The following NAV2 variants were observed in gnomAD, a reference collection of about 807,000 sequenced individuals.
NAV2 encodes neuron navigator 2.
NAV2 carries 54 observed loss-of-function variants against 223.2 expected under a neutral mutation model. That is an observed-to-expected ratio of 0.24 (90% CI 0.19 to 0.30). The LOEUF (loss-of-function observed/expected upper bound fraction) is 0.30, where lower values mean the gene tolerates loss of function less well. Ranked by LOEUF, NAV2 falls within the 10% of genes least tolerant of loss-of-function variation. The pLI, the probability that NAV2 is intolerant of heterozygous loss-of-function variation, is 1.00. For synonymous variants in NAV2, 1,279 were observed against 1,239.3 expected, an observed-to-expected ratio of 1.03 and a Z score of -0.67; for missense variants, 2,806 against 3,147.5, an observed-to-expected ratio of 0.89 and a Z score of 2.60.
At chr11:19,451,856 C>A (rs1851799458) in intron 1 of NAV2, among the ~76,000 whole-genome samples, 1 of 152,178 alleles carries the variant, frequency 6.6e-6, no homozygotes, top group Admixed American at 6.5e-5. Flanking sequence ...TGGCTGGAGT[C>A]TAGAGAGTGA....
rs1325158261 is a variant in NAV2, at chr11:20,095,770, A to G, written c.6012+3A>G. 3.1e-6 allele frequency: 5 copies of G among 1,611,284 alleles called. No homozygotes were observed. Among genetic ancestry groups the G allele is most frequent in the Non-Finnish European group, 4.2e-6 (5 of 1,177,402 alleles). On this transcript the variant is annotated splice_donor_region_variant and intron_variant, in intron 30 of 37. Transcript: ENST00000349880. ...GGGTGGTTAGACGGCTGTTCAAAGT[A>G]AGTGTTTCAAGACAACGGCTACAGC...
intron 4 of NAV2, among the ~76,000 whole-genome samples, chr11:19,877,470 C>CTGTTTTTTTTTTTTCTTTTTTCTTTTCT (rs1775778695): frequency 1.2e-5 from 1 of 82,622 alleles, no homozygotes; most frequent in Non-Finnish European, 2.2e-5. Context: ...TATCTTCATT[C>CTGTTTTTTTTTTTTCTTTTTTCTTTTCT]TTTTTTTTTT....
At chr11:19,814,970 G>A (rs1298240192) in intron 1 of NAV2, among the ~76,000 whole-genome samples, 1 of 151,976 alleles carries the variant, frequency 6.6e-6, no homozygotes, top group Non-Finnish European at 1.5e-5. Context: ...GAAAGAGTGT[G>A]CTTCTCTTAT....
intron 1 of NAV2, among the ~76,000 whole-genome samples, chr11:19,407,564 G>T (rs1849952335): frequency 6.6e-6 from 1 of 152,188 alleles, no homozygotes. Flanking sequence ...TGGACAATGG[G>T]ATTTGCATTT....
chr11:19,629,296 G>A (rs933330569), intron 1 of NAV2, among the ~76,000 whole-genome samples: 8 of 151,984 alleles, frequency 5.3e-5, no homozygotes, highest in African/African-American at 1.9e-4. Flanking sequence ...GTCCTCTCTT[G>A]TATTTCTCCT....
chr11:19,614,067 C>A (rs2046718833), intron 1 of NAV2, among the ~76,000 whole-genome samples: 1 of 152,180 alleles, frequency 6.6e-6, no homozygotes, highest in South Asian at 2.1e-4. Flanking sequence ...GCTTTCAGAA[C>A]TGCAGGGTGC....
intron 1 of NAV2, among the ~76,000 whole-genome samples, chr11:19,475,586 T>C (rs1025806236): frequency 7.2e-5 from 11 of 152,216 alleles, no homozygotes; most frequent in African/African-American, 2.2e-4. Context: ...GAGCCGCTGC[T>C]GTCCCAATTT....
chr11:19,796,371 C>T (rs1330619884), intron 1 of NAV2, among the ~76,000 whole-genome samples: 1 of 152,152 alleles, frequency 6.6e-6, no homozygotes, highest in Non-Finnish European at 1.5e-5. Flanking sequence ...ATTGACAGAA[C>T]CCAAATTAAA....
intron 1 of NAV2, among the ~76,000 whole-genome samples, chr11:19,686,922 C>T (rs1814118043): frequency 6.6e-6 from 1 of 152,224 alleles, no homozygotes; most frequent in Non-Finnish European, 1.5e-5. Flanking sequence ...CCACAGTAAC[C>T]ATATGAGGCG....
intron 1 of NAV2, among the ~76,000 whole-genome samples, chr11:19,655,252 G>A (rs984577825): frequency 2.0e-5 from 3 of 152,228 alleles, no homozygotes; most frequent in African/African-American, 7.2e-5. Context: ...ACAGGTGCTA[G>A]AGAGGATGTG....
chr11:19,697,312 A>AAC (rs2049372757), intron 1 of NAV2, among the ~76,000 whole-genome samples: 2 of 152,126 alleles, frequency 1.3e-5, no homozygotes, highest in Non-Finnish European at 2.9e-5. Context: ...GGGCTGAAGA[A>AAC]ACACCTGTTG....
At chr11:19,997,144 G>A (rs1156764481) in intron 11 of NAV2, among the ~76,000 whole-genome samples, 1 of 152,304 alleles carries the variant, frequency 6.6e-6, no homozygotes, top group African/African-American at 2.4e-5. Flanking sequence ...GATGTGAACA[G>A]AACCACAGGC....
intron 1 of NAV2, among the ~76,000 whole-genome samples, chr11:19,375,622 A>G (rs1848615868): frequency 6.6e-6 from 1 of 152,208 alleles, no homozygotes; most frequent in Non-Finnish European, 1.5e-5. Context: ...CTGTGCCTAA[A>G]TCACTGGATG....
chr11:19,939,631 A>G (rs2046230716), intron 7 of NAV2, 30 bp from the exon 8 acceptor site: 1 of 1,585,434 alleles, frequency 6.3e-7, no homozygotes, highest in African/African-American at 1.3e-5. Context: ...CTCTCATGAC[A>G]AGTGTGTCTG....
intron 1 of NAV2, among the ~76,000 whole-genome samples, chr11:19,560,178 C>T (rs994074314): frequency 6.6e-6 from 1 of 152,078 alleles, no homozygotes; most frequent in Admixed American, 6.5e-5. Context: ...GTTGTGGCCT[C>T]CTTTGGTGAT....
At chr11:19,663,050 C>T (rs1427483233) in intron 1 of NAV2, among the ~76,000 whole-genome samples, 2 of 151,904 alleles carry the variant, frequency 1.3e-5, no homozygotes, top group African/African-American at 2.4e-5. Flanking sequence ...CACACTTTTC[C>T]TCTGTTGTTT....
chr11:19,775,377 C>T (rs1028813089), intron 1 of NAV2, among the ~76,000 whole-genome samples: 5 of 152,094 alleles, frequency 3.3e-5, no homozygotes, highest in African/African-American at 7.2e-5. Context: ...AGTTAGGGCC[C>T]GAGGCAGGAT....
chr11:19,662,690 C>G (rs2048318396), intron 1 of NAV2, among the ~76,000 whole-genome samples: 1 of 152,258 alleles, frequency 6.6e-6, no homozygotes, highest in Non-Finnish European at 1.5e-5. Flanking sequence ...TAAGATGAAG[C>G]TCTGCCCACT....
intron 1 of NAV2, among the ~76,000 whole-genome samples, chr11:19,409,039 G>A (rs557810361): frequency 3.2e-4 from 48 of 152,182 alleles, no homozygotes; most frequent in African/African-American, 1.2e-3. Flanking sequence ...AGGATCAGTG[G>A]CAAAGTGACT....
Sources: allele counts gnomAD v4.1 joint callset (sites outside exome capture counted in the v4.1 genomes callset), GRCh38; gene constraint gnomAD v4.1.1; transcripts MANE v1.5; gene names NCBI Gene and HGNC (gene_info 2026-07-23, HGNC 2026-07-21).